The following TBC1D8 variants were observed in gnomAD, a reference collection of about 807,000 sequenced individuals.
The protein encoded by TBC1D8 is TBC1 domain family member 8.
A neutral mutation model predicts 118.8 loss-of-function variants in TBC1D8; 65 were observed. That is an observed-to-expected ratio of 0.55 (90% confidence interval 0.45 to 0.67). The LOEUF (loss-of-function observed/expected upper bound fraction) is 0.67. Ranked by LOEUF, TBC1D8 falls within the 30% of genes least tolerant of loss-of-function variation. The pLI, the probability that TBC1D8 is intolerant of heterozygous loss-of-function variation, is 0.00. For synonymous variants in TBC1D8, 566 were observed against 595.8 expected, an observed-to-expected ratio of 0.95 and a Z score of 0.73; for missense variants, 1,376 against 1,471.2, an observed-to-expected ratio of 0.94 and a Z score of 1.06.
rs147354460 is a variant in TBC1D8, at chr2:101,091,837, G to C, written c.128-1473C>G. On this transcript the variant is annotated intron_variant, in intron 1 of 19. Coordinates refer to ENST00000409318, the MANE Select transcript of TBC1D8 (RefSeq NM_001330348.2). ...ATATTACCCTTAACTAATAGGCCCT[G>C]AATAAGGGCCACAGCTGCCTGAGCA... 3.9e-4 allele frequency among the ~76,000 whole-genome samples: 59 copies of C among 152,340 alleles called. No homozygotes were observed. The East Asian group carries it at 7.3e-3, about 19-fold the overall frequency.
At chr2:101,130,521 G>A (rs1678546882) in intron 1 of TBC1D8, among the ~76,000 whole-genome samples, 1 of 152,226 alleles carries the variant, frequency 6.6e-6, no homozygotes, top group Non-Finnish European at 1.5e-5. Flanking sequence ...CTAAAAGACA[G>A]GGCTCAAAGG....
At position 101,069,070 on chromosome 2, in the gene TBC1D8, C is replaced by T. The variant is rs563570009; in HGVS notation, c.284-9531G>A. On this transcript the variant is annotated intron_variant, in intron 2 of 19. Transcript: ENST00000409318. ...AATCCCAGCATTTTGGAGGCCGAGG[C>T]GGGTGGATCATGAGAGCAGGAGTTC... 3.7e-4 allele frequency among the ~76,000 whole-genome samples: 53 copies of T among 144,148 alleles called. 1 individual carries two copies. The Middle Eastern group carries it at 0.014, about 37-fold the overall frequency. 94.6% of individuals were successfully genotyped at this position (144,148 alleles called of 152,430 possible).
chr2:101,041,752 C>T (rs1387058385), intron 5 of TBC1D8, among the ~76,000 whole-genome samples: 2 of 152,026 alleles, frequency 1.3e-5, no homozygotes, highest in Non-Finnish European at 2.9e-5. Flanking sequence ...CGGCCAGGCA[C>T]GGTGGCTCAT....
At chr2:101,125,555 C>T (rs1394389143) in intron 1 of TBC1D8, among the ~76,000 whole-genome samples, 8 of 152,152 alleles carry the variant, frequency 5.3e-5, no homozygotes, top group Non-Finnish European at 1.5e-5. Flanking sequence ...CAGCCCCGTG[C>T]CCTTACTATC....
At position 101,039,514 on chromosome 2, in the gene TBC1D8, T is replaced by TTATC. The variant is rs201682635; in HGVS notation, c.1080+660_1080+663dup. Among the ~76,000 whole-genome samples the TTATC allele has an allele frequency of 4.5e-3, 690 of 152,290 alleles. 7 individuals carry two copies. Among genetic ancestry groups the TTATC allele is most frequent in the African/African-American group, 0.016 (654 of 41,570 alleles). On this transcript the variant is annotated intron_variant, in intron 6 of 19. Coordinates refer to ENST00000409318, the MANE Select transcript of TBC1D8 (RefSeq NM_001330348.2). The stretch of plus-strand genomic sequence containing the variant: ...CAAAGAAGAATGCTCAGTACGTTTG[T>TTATC]TATCAGAAAGAAGAATCTGGAGGTC...
Position 101,080,646 on chromosome 2 carries a change from T to C in TBC1D8, c.283+9563A>G, listed in dbSNP as rs144382957. Among the ~76,000 whole-genome samples, 2 of 152,304 alleles carry C rather than the reference T, an allele frequency of 1.3e-5. 1 individual carries two copies. Among genetic ancestry groups the C allele is most frequent in the East Asian group, 3.9e-4 (2 of 5,180 alleles). On this transcript the variant is annotated intron_variant, in intron 2 of 19. Transcript: ENST00000409318. ...GCCTGAAGCAGCCCTGGCAAGTCCC[T>C]GAGCTCCCTGTGGCTTGCTCCTTGC... is the stretch of plus-strand genomic sequence containing the variant.
At chr2:101,072,257 T>C (rs1195482749) in intron 2 of TBC1D8, among the ~76,000 whole-genome samples, 5 of 152,172 alleles carry the variant, frequency 3.3e-5, no homozygotes, top group Non-Finnish European at 1.5e-5. Context: ...GCAGGCTATA[T>C]GGAAAACACT....
At chr2:101,047,983 G>C (rs1681814974) in intron 5 of TBC1D8, among the ~76,000 whole-genome samples, 1 of 152,196 alleles carries the variant, frequency 6.6e-6, no homozygotes, top group Non-Finnish European at 1.5e-5. Flanking sequence ...GCTGTGCCGG[G>C]ATATCAGTAG....
chr2:101,144,233 C>T (rs1679231779), intron 1 of TBC1D8, among the ~76,000 whole-genome samples: 1 of 152,190 alleles, frequency 6.6e-6, no homozygotes, highest in African/African-American at 2.4e-5. Flanking sequence ...AGACCTATGA[C>T]CTCCCTCCTG....
intron 1 of TBC1D8, among the ~76,000 whole-genome samples, chr2:101,125,082 C>G (rs969583241): frequency 6.6e-6 from 1 of 152,182 alleles, no homozygotes; most frequent in Non-Finnish European, 1.5e-5. Context: ...CAAGCAGCCT[C>G]CCATGACAAA....
chr2:101,127,337 GAAAA>G (rs529661320), intron 1 of TBC1D8, among the ~76,000 whole-genome samples: 1 of 122,692 alleles, frequency 8.2e-6, no homozygotes. Flanking sequence ...CTTCATCTCA[GAAAA>G]AAAAAAAAAA....
intron 1 of TBC1D8, among the ~76,000 whole-genome samples, chr2:101,108,928 A>C (rs1431750865): frequency 6.6e-6 from 1 of 152,232 alleles, no homozygotes; most frequent in Admixed American, 6.5e-5. Flanking sequence ...AGTTGTCAGT[A>C]GCATGAGAAA....
rs1005458049 is a variant in TBC1D8, at chr2:101,032,208, C to T, written c.1936+60G>A. 1.3e-5 allele frequency: 19 copies of T among 1,473,254 alleles called. No homozygotes were observed. In the Admixed American group the frequency reaches 3.6e-4, roughly 28 times the overall value. 91.3% of individuals were successfully genotyped at this position (1,473,254 alleles called of 1,614,324 possible). On this transcript the variant is annotated intron_variant, in intron 11 of 19. Transcript: ENST00000409318. ...TATAAACAGGACTGATGAGAAACATCCTGCCCAGGCTCTGTCACTCTTCCC... is the reference window on the plus strand; with the variant it reads ...TATAAACAGGACTGATGAGAAACATTCTGCCCAGGCTCTGTCACTCTTCCC...
chr2:101,018,368 T>A (rs55923142), intron 17 of TBC1D8: 16,655 of 157,504 alleles, frequency 0.11, 1,018 homozygotes, highest in Non-Finnish European at 0.14. Context: ...TGCTTTTTTT[T>A]AAAAAGCCAA....
intron 4 of TBC1D8, 56 bp from the exon 5 acceptor site, chr2:101,050,697 A>G (rs1220266191): frequency 7.6e-6 from 12 of 1,584,592 alleles, no homozygotes; most frequent in African/African-American, 1.3e-5. Flanking sequence ...GCCAAACTTG[A>G]GTGTGTCAGC....
intron 17 of TBC1D8, chr2:101,017,973 G>T (rs1679777114): frequency 1.3e-6 from 2 of 1,535,820 alleles, no homozygotes; most frequent in African/African-American, 1.4e-5. Flanking sequence ...CATTATAGAG[G>T]ATTCGAACGG....
Position 101,131,383 on chromosome 2 carries a change from C to T in TBC1D8, c.127+19744G>A, listed in dbSNP as rs375631356. On this transcript the variant is annotated intron_variant, in intron 1 of 19. Transcript: ENST00000409318. ...CAACATTAGCCGGGCATGGTGGTGA[C>T]GTGCGCCTGTAATCCCAGCTACTCG... Among the ~76,000 whole-genome samples, 12 of 152,094 alleles carry T rather than the reference C, an allele frequency of 7.9e-5. No homozygotes were observed. In the South Asian group the frequency reaches 2.5e-3, roughly 32 times the overall value.
intron 1 of TBC1D8, among the ~76,000 whole-genome samples, chr2:101,117,623 G>A (rs1005788540): frequency 1.3e-5 from 2 of 148,822 alleles, no homozygotes; most frequent in Non-Finnish European, 3.0e-5. Context: ...GCCCAGGCTG[G>A]AGTGCAGTGG....
chr2:101,082,206 A>C (rs1403403458), intron 2 of TBC1D8, among the ~76,000 whole-genome samples: 1 of 152,240 alleles, frequency 6.6e-6, no homozygotes, highest in Non-Finnish European at 1.5e-5. Flanking sequence ...TTACCTACCA[A>C]AAAGAACATG....
Sources: allele counts gnomAD v4.1 joint callset (sites outside exome capture counted in the v4.1 genomes callset), GRCh38; gene constraint gnomAD v4.1.1; transcripts MANE v1.5; gene names NCBI Gene and HGNC (gene_info 2026-07-23, HGNC 2026-07-21).